GNG7: variants seen among roughly 807,000 people sequenced by gnomAD.
GNG7 encodes G protein subunit gamma 7, also known as guanine nucleotide-binding protein G(I)/G(S)/G(O) subunit gamma-7.
In GNG7, 1 loss-of-function variant was observed where a neutral mutation model predicts 4.0. The ratio of observed to expected loss-of-function variants is 0.25; its 90% CI spans 0.09 to 1.18. The LOEUF is 1.18. Among genes scored for constraint, GNG7 ranks in the 50% most tolerant of loss-of-function variants. The pLI is 0.50. For missense variants in GNG7, 86 were observed against 91.9 expected, an observed-to-expected ratio of 0.94 and a Z score of 0.26; for synonymous variants, 34 against 36.9, an observed-to-expected ratio of 0.92 and a Z score of 0.29.
rs879035849 is a variant in GNG7, at chr19:2,659,592, T to TAAAAAA, written c.-134-13318_-134-13313dup. ...GAAATAGAGGAGTGAGACTCCATCT[T>TAAAAAA]AAAAAAAAAAAAAAAAAAAGAGAGG... On this transcript the variant is annotated intron_variant, in intron 1 of 4. Transcript: ENST00000382159. 8.0e-3 allele frequency among the ~76,000 whole-genome samples: 348 copies of TAAAAAA among 43,456 alleles called. 8 individuals carry two copies. Among genetic ancestry groups the TAAAAAA allele is most frequent in the African/African-American group, 0.01 (97 of 9,342 alleles). The allele number at this position is 43,456 out of a possible 152,430, so 28.5% of individuals were successfully genotyped here.
chr19:2,694,724 G>C (rs1371101258), intron 1 of GNG7, among the ~76,000 whole-genome samples: 1 of 151,692 alleles, frequency 6.6e-6, no homozygotes, highest in African/African-American at 2.4e-5. Flanking sequence ...GAGGATCATG[G>C]GACGCGGAGT....
At chr19:2,674,131 G>A (rs1568281449) in intron 1 of GNG7, among the ~76,000 whole-genome samples, 2 of 152,080 alleles carry the variant, frequency 1.3e-5, no homozygotes. Flanking sequence ...AGGTGTAGTG[G>A]CACCTTGCCT....
chr19:2,551,630 TAAAAACACATATACA>T, intron 3 of GNG7, among the ~76,000 whole-genome samples: 1 of 146,076 alleles, frequency 6.8e-6, no homozygotes, highest in South Asian at 2.1e-4. Flanking sequence ...TATAAATATA[TAAAAACACATATACA>T]TATTTATAAA....
chr19:2,673,065 G>A (rs1204357767), intron 1 of GNG7, among the ~76,000 whole-genome samples: 2 of 150,652 alleles, frequency 1.3e-5, no homozygotes, highest in South Asian at 4.2e-4. Context: ...GACCATCCTG[G>A]CTAACACGGT....
chr19:2,554,038 G>A (rs1015287975), intron 3 of GNG7, among the ~76,000 whole-genome samples: 13 of 135,480 alleles, frequency 9.6e-5, no homozygotes, highest in South Asian at 2.1e-4. Context: ...ACACAGTGGC[G>A]TGCACCTATA....
rs1025083393 is a variant in GNG7 at position 2,543,119 on chromosome 19, A to G, written c.-38+12030T>C. ...TTTTTTGTAGAGACAGGGTTTCACCATGTTGGCCAGGCTGGTCTCAAACTC... is the reference window on the plus strand; with the variant it reads ...TTTTTTGTAGAGACAGGGTTTCACCGTGTTGGCCAGGCTGGTCTCAAACTC... On this transcript the variant is annotated intron_variant, in intron 3 of 4. Transcript: ENST00000382159. Among the ~76,000 whole-genome samples the G allele has an allele frequency of 5.3e-5, 8 of 151,470 alleles. No homozygotes were observed. In the South Asian group the frequency reaches 1.7e-3, roughly 32 times the overall value.
At chr19:2,629,760 C>A (rs949281185) in intron 2 of GNG7, among the ~76,000 whole-genome samples, 1 of 152,152 alleles carries the variant, frequency 6.6e-6, no homozygotes, top group Non-Finnish European at 1.5e-5. Context: ...CCCATGCCCA[C>A]GAGTAAGAGG....
rs1008228217 is a variant in GNG7 at position 2,513,478 on chromosome 19, G to A, written c.*1544C>T. 8.0e-5 allele frequency: 78 copies of A among 980,892 alleles called. No homozygotes were observed. Among genetic ancestry groups the A allele is most frequent in the Non-Finnish European group, 9.1e-5 (75 of 825,880 alleles). The allele number at this position is 980,892 out of a possible 1,614,324, so 60.8% of individuals were successfully genotyped here. On this transcript the variant is annotated 3_prime_UTR_variant, in exon 5 of 5. Coordinates refer to ENST00000382159, the MANE Select transcript of GNG7 (RefSeq NM_052847.3). ...GATGTGGCTGCACCTGCTCCCGTCC[G>A]TGCCGCAGAGGAGGACGCAGTCATC...
At chr19:2,543,501 G>A (rs1248309086) in intron 3 of GNG7, among the ~76,000 whole-genome samples, 3 of 152,074 alleles carry the variant, frequency 2.0e-5, no homozygotes, top group African/African-American at 7.2e-5. Flanking sequence ...CTAGGATCCC[G>A]GGCATGAACC....
At chr19:2,550,868 G>A (rs1408040949) in intron 3 of GNG7, among the ~76,000 whole-genome samples, 7 of 152,186 alleles carry the variant, frequency 4.6e-5, no homozygotes, top group Non-Finnish European at 8.8e-5. Flanking sequence ...CTGCTGAGTC[G>A]CTGAGTAGGG....
At chr19:2,526,567 A>T (rs563080424) in intron 3 of GNG7, among the ~76,000 whole-genome samples, 29 of 148,550 alleles carry the variant, frequency 2.0e-4, no homozygotes, top group Admixed American at 1.4e-3. Context: ...ATATTTGAAG[A>T]TTCATTCACT....
Position 2,688,831 on chromosome 19 carries a change from C to T in GNG7, c.-135+13815G>A, listed in dbSNP as rs1051934454. Among the ~76,000 whole-genome samples the T allele has an allele frequency of 2.0e-4, 30 of 152,098 alleles. 1 individual carries two copies. Among genetic ancestry groups the T allele is most frequent in the African/African-American group, 6.3e-4 (26 of 41,488 alleles). On this transcript the variant is annotated intron_variant, in intron 1 of 4. Transcript: ENST00000382159. The stretch of plus-strand genomic sequence containing the variant: ...CTGTCCTCCTAACACTTTGGGAGTC[C>T]GGGGTGGCAGGATCACTTGTGTTCA...
chr19:2,525,308 G>A (rs544223926), intron 3 of GNG7, among the ~76,000 whole-genome samples: 1 of 152,278 alleles, frequency 6.6e-6, no homozygotes, highest in East Asian at 1.9e-4. Context: ...CTGCCTCGGT[G>A]CACAGGCTCC....
intron 2 of GNG7, chr19:2,643,349 G>A (rs1490934194): frequency 1.5e-5 from 6 of 408,214 alleles, no homozygotes; most frequent in Non-Finnish European, 2.4e-5. Context: ...CGGCTCCGTC[G>A]GCACCGGAAA....
Position 2,514,602 on chromosome 19 carries a change from A to G in GNG7, c.*420T>C, listed in dbSNP as rs1387135852. On this transcript the variant is annotated 3_prime_UTR_variant, in exon 5 of 5. Coordinates refer to ENST00000382159, the MANE Select transcript of GNG7 (RefSeq NM_052847.3). ...TATGAAGTCTTTTTACCAATGGCCA[A>G]TTCTCCCGGAACTATTGCCACCGGG... 1 of 158,398 alleles carries G rather than the reference A, an allele frequency of 6.3e-6. No individual in the cohort carries two copies. The highest frequency in any genetic ancestry group is 1.8e-4 in the South Asian group (1 of 5,510). The allele number at this position is 158,398 out of a possible 1,614,324, so 9.8% of individuals were successfully genotyped here.
intron 1 of GNG7, among the ~76,000 whole-genome samples, chr19:2,698,886 G>C (rs911718023): frequency 6.6e-6 from 1 of 152,112 alleles, no homozygotes; most frequent in Non-Finnish European, 1.5e-5. Flanking sequence ...GGGGCCCCAG[G>C]GTTTACGAAG....
rs903940684 is a variant in GNG7 at position 2,634,611 on chromosome 19, G to A, written c.-78+11613C>T. On this transcript the variant is annotated intron_variant, in intron 2 of 4. Transcript: ENST00000382159. The surrounding 1 kb of genome is among the most constrained non-coding windows in gnomAD (Gnocchi z 5.3). ...GCGGGCTGCACACACGTTTTCTCTC[G>A]GGGAGGGTGGTAGCAATGAGCTGTG... Among the ~76,000 whole-genome samples, 7 of 152,150 alleles carry A rather than the reference G, an allele frequency of 4.6e-5. No individual in the cohort carries two copies. The highest frequency in any genetic ancestry group is 1.9e-4 in the East Asian group (1 of 5,192).
At position 2,564,693 on chromosome 19, in the gene GNG7, C is replaced by G. The variant is rs1979848291; in HGVS notation, c.-77-9505G>C. Among the ~76,000 whole-genome samples the G allele has an allele frequency of 5.9e-5, 9 of 152,160 alleles. No individual in the cohort carries two copies. The South Asian group carries it at 1.9e-3, about 32-fold the overall frequency. Reference sequence around the variant, plus strand: ...GGCCACAAGCCAGACTCCTAGAGCCCCCAGAAGCTGGGAGAGGCCGGAAGG... The same window carrying G: ...GGCCACAAGCCAGACTCCTAGAGCCGCCAGAAGCTGGGAGAGGCCGGAAGG... On this transcript the variant is annotated intron_variant, in intron 2 of 4. Transcript: ENST00000382159.
In GNG7 at chr19:2,682,100, G is replaced by A. The variant is rs577144514; in HGVS notation, c.-135+20546C>T. 4.6e-5 allele frequency among the ~76,000 whole-genome samples: 7 copies of A among 152,086 alleles called. No individual in the cohort carries two copies. In the South Asian group the frequency reaches 1.5e-3, roughly 32 times the overall value. On this transcript the variant is annotated intron_variant, in intron 1 of 4. Transcript: ENST00000382159. Reference sequence around the variant, plus strand: ...AATTTTGTATTTTTAGCAGAGACTGGGTTTCACTATGTTGGCCAGGCTGGT... The same window carrying A: ...AATTTTGTATTTTTAGCAGAGACTGAGTTTCACTATGTTGGCCAGGCTGGT...
Sources: gnomAD v4.1 joint callset for allele counts (sites outside exome capture counted in the v4.1 genomes callset) on GRCh38, gnomAD v4.1.1 for gene constraint, Gnocchi (gnomAD v3.1) non-coding constraint, MANE v1.5 for transcripts, NCBI Gene and HGNC (gene_info 2026-07-23, HGNC 2026-07-21) for gene names.